The following DSE variants were observed in gnomAD, a reference collection of about 807,000 sequenced individuals.
The protein encoded by DSE is dermatan-sulfate epimerase.
In DSE, 36 loss-of-function variants were observed where a neutral mutation model predicts 84.4. The observed-to-expected ratio is 0.43, with a 90% CI of 0.33 to 0.56. The LOEUF is 0.56. Ranked by LOEUF, DSE falls within the 20% of genes least tolerant of loss-of-function variation. The probability of loss-of-function intolerance (pLI) is 0.06; values close to 1 mark genes in which losing one functional copy is unlikely to be tolerated. For synonymous variants in DSE, 410 were observed against 430.1 expected, an observed-to-expected ratio of 0.95 and a Z score of 0.58; for missense variants, 862 against 1,169.6, an observed-to-expected ratio of 0.74 and a Z score of 3.84.
At chr6:116,423,988 G>A (rs1443406925) in intron 2 of DSE, among the ~76,000 whole-genome samples, 1 of 152,208 alleles carries the variant, frequency 6.6e-6, no homozygotes, top group African/African-American at 2.4e-5. Context: ...TTTCATGAAG[G>A]ATGAGAATTA....
In DSE at chr6:116,440,827, T is replaced by C. The variant is rs1407313354; in HGVS notation, c.*3482T>C. 6.6e-6 allele frequency: 1 copy of C among 152,176 alleles called. No individual in the cohort carries two copies. Among genetic ancestry groups the C allele is most frequent in the Non-Finnish European group, 1.5e-5 (1 of 68,024 alleles). The allele number at this position is 152,176 out of a possible 1,614,324, so 9.4% of individuals were successfully genotyped here. ...TCTGAAGGTCTAACTCAAAGTTTGA[T>C]GCTTTTTAAGCAAGTTTAGGGAACT... On this transcript the variant is annotated 3_prime_UTR_variant, in exon 6 of 6. Coordinates refer to ENST00000644252, the MANE Select transcript of DSE (RefSeq NM_013352.4).
chr6:116,417,050 C>T (rs1261725067), intron 2 of DSE, among the ~76,000 whole-genome samples: 7 of 152,076 alleles, frequency 4.6e-5, no homozygotes, highest in Non-Finnish European at 1.0e-4. Flanking sequence ...AAGAATTTGT[C>T]ATTAGAATTT....
In DSE at chr6:116,311,238, C is replaced by G. The variant is rs79131727; in HGVS notation, c.-54+52271C>G. Among the ~76,000 whole-genome samples, 5 of 152,328 alleles carry G rather than the reference C, an allele frequency of 3.3e-5. No homozygotes were observed. The South Asian group carries it at 1.0e-3, about 32-fold the overall frequency. On this transcript the variant is annotated intron_variant, in intron 2 of 3. Transcript: ENST00000430252. Reference sequence around the variant, plus strand: ...TTAGTTTTTTTTACAGCATTTGTCACAATCCAAAGCTATATCCTCTTTATA... The same window carrying G: ...TTAGTTTTTTTTACAGCATTTGTCAGAATCCAAAGCTATATCCTCTTTATA...
chr6:116,300,209 G>A (rs1435019351), intron 2 of DSE, among the ~76,000 whole-genome samples: 1 of 152,042 alleles, frequency 6.6e-6, no homozygotes, highest in Admixed American at 6.6e-5. Context: ...AGAACCCAAA[G>A]TTACAATTAG....
intron 3 of DSE, among the ~76,000 whole-genome samples, chr6:116,427,696 T>A (rs1186681178): frequency 6.6e-6 from 1 of 152,238 alleles, no homozygotes; most frequent in Non-Finnish European, 1.5e-5. Flanking sequence ...TTTATTCAAT[T>A]CTCACATCAA....
chr6:116,368,203 C>A (rs889524751), upstream of DSE, among the ~76,000 whole-genome samples: 1 of 152,102 alleles, frequency 6.6e-6, no homozygotes, highest in Non-Finnish European at 1.5e-5. Context: ...CTAATTCTTA[C>A]AAAAGTGCCA....
At chr6:116,306,460 CT>C (rs1462150506) in intron 2 of DSE, among the ~76,000 whole-genome samples, 1 of 152,078 alleles carries the variant, frequency 6.6e-6, no homozygotes, top group Non-Finnish European at 1.5e-5. Flanking sequence ...TCACTTTTTG[CT>C]TTCTCTAAGG....
intron 2 of DSE, among the ~76,000 whole-genome samples, chr6:116,293,103 A>T (rs188482080): frequency 5.9e-5 from 9 of 152,142 alleles, no homozygotes; most frequent in Non-Finnish European, 1.0e-4. Flanking sequence ...TCATACAATG[A>T]TGAGATAATT....
rs1254238348 is a variant in DSE, at chr6:116,437,394, G to A, written c.*49G>A. The A allele has an allele frequency of 4.9e-6, 7 of 1,424,126 alleles. No individual in the cohort carries two copies. Among genetic ancestry groups the A allele is most frequent in the South Asian group, 1.7e-5 (1 of 58,024 alleles). The allele number at this position is 1,424,126 out of a possible 1,614,324, so 88.2% of individuals were successfully genotyped here. A position where few individuals can be genotyped will look rare whatever the true frequency, so the allele number is the denominator to read the frequency against. ...TCATTTTGTGATCACAAGAGTCTAT[G>A]CAAAAAAAAAAATTTCTTTACCCCA... is the stretch of plus-strand genomic sequence containing the variant. On this transcript the variant is annotated 3_prime_UTR_variant, in exon 6 of 6. Coordinates refer to ENST00000644252, the MANE Select transcript of DSE (RefSeq NM_013352.4).
chr6:116,389,074 A>T (rs181405712), intron 1 of DSE, among the ~76,000 whole-genome samples: 1 of 152,190 alleles, frequency 6.6e-6, no homozygotes, highest in Non-Finnish European at 1.5e-5. Context: ...TCCTGGGGTC[A>T]TGGTGCACTT....
At chr6:116,354,450 G>T (rs983774315) in intron 2 of DSE, among the ~76,000 whole-genome samples, 1 of 152,134 alleles carries the variant, frequency 6.6e-6, no homozygotes, top group African/African-American at 2.4e-5. Context: ...GGGAGAGTGG[G>T]TGGAGGGTTT....
Position 116,437,056 on chromosome 6 carries a change from CA to C in DSE, c.2589del (p.Asp864MetfsTer2). The C allele has an allele frequency of 6.2e-7, 1 of 1,614,040 alleles. No individual in the cohort carries two copies. Among genetic ancestry groups the C allele is most frequent in the African/African-American group, 1.3e-5 (1 of 74,978 alleles). On this transcript the variant is annotated frameshift_variant, in exon 6 of 6. Transcript: ENST00000644252. LOFTEE classifies it high-confidence loss of function. ...GAAATGAAAGACCTTTTAGATTTTG[CA>C]GATGTAACATACGAGAAACATAAAA... ...DEEMKDLLDFADVTYEKHKNG... is the reference protein window; with the variant it reads ...DEEMKDLLDFXDVTYEKHKNG...
chr6:116,394,866 A>G (rs1175342636), intron 1 of DSE, among the ~76,000 whole-genome samples: 5 of 152,230 alleles, frequency 3.3e-5, no homozygotes, highest in Non-Finnish European at 7.3e-5. Context: ...TGAGTTGTAG[A>G]TAAAGTACTT....
At chr6:116,279,606 C>A in intron 2 of DSE, 1 of 1,602,366 alleles carries the variant, frequency 6.2e-7, no homozygotes, top group Non-Finnish European at 8.5e-7. Flanking sequence ...CGCCACGGCC[C>A]GCGGCATCCT....
At chr6:116,357,109 G>A (rs914769560) in intron 2 of DSE, among the ~76,000 whole-genome samples, 1 of 152,030 alleles carries the variant, frequency 6.6e-6, no homozygotes, top group South Asian at 2.1e-4. Flanking sequence ...TCTCCCACCC[G>A]CATGTTTACT....
At chr6:116,314,620 A>G (rs963924824) in intron 2 of DSE, among the ~76,000 whole-genome samples, 1 of 152,208 alleles carries the variant, frequency 6.6e-6, no homozygotes. Flanking sequence ...TGGACTAAAT[A>G]TATTTGGGGA....
At chr6:116,340,509 C>T (rs1384680081) in intron 2 of DSE, among the ~76,000 whole-genome samples, 1 of 151,966 alleles carries the variant, frequency 6.6e-6, no homozygotes, top group Non-Finnish European at 1.5e-5. Flanking sequence ...TATTATTCTA[C>T]TTTAAGTTCT....
At chr6:116,422,766 T>C (rs1273490784) in intron 2 of DSE, among the ~76,000 whole-genome samples, 1 of 152,252 alleles carries the variant, frequency 6.6e-6, no homozygotes, top group African/African-American at 2.4e-5. Flanking sequence ...GCTTGGATTC[T>C]TGCTAAGGTT....
At chr6:116,375,443 G>A in intron 1 of DSE, 2 of 693,798 alleles carry the variant, frequency 2.9e-6, no homozygotes, top group Non-Finnish European at 3.5e-6. Context: ...GTTCGAGGCT[G>A]CAGTGAGCTA....
Sources: gnomAD v4.1 joint callset for allele counts (sites outside exome capture counted in the v4.1 genomes callset) on GRCh38, gnomAD v4.1.1 for gene constraint, MANE v1.5 for transcripts, NCBI Gene and HGNC (gene_info 2026-07-23, HGNC 2026-07-21) for gene names.